The following CHAMP1 variants were observed in gnomAD, a reference collection of about 807,000 sequenced individuals.
CHAMP1 encodes the protein chromosome alignment maintaining phosphoprotein 1, also known as chromosome alignment-maintaining phosphoprotein 1.
A neutral mutation model predicts 54.5 loss-of-function variants in CHAMP1; 4 were observed. The observed-to-expected ratio is 0.07, with a 90% confidence interval of 0.04 to 0.17. CHAMP1 has a LOEUF of 0.17. Ranked by LOEUF, CHAMP1 falls within the 10% of genes least tolerant of loss-of-function variation. CHAMP1 has a pLI of 1.00. For missense variants in CHAMP1, 994 were observed against 968.6 expected (o/e 1.03, Z -0.35); for synonymous variants, 368 against 342.2 (o/e 1.08, Z -0.83).
chr13:114,326,471 G>A lies in CHAMP1; in HGVS notation c.*190G>A. ...TGGTCTCTGTCTATGTGACTATCTT[G>A]TAAGTCAATAAATTTCTGTATAGTC... is the stretch of plus-strand genomic sequence containing the variant. On this transcript the variant is annotated 3_prime_UTR_variant, in exon 3 of 3. Transcript: ENST00000361283. 3.5e-6 allele frequency: 2 copies of A among 569,456 alleles called. No homozygotes were observed. The highest frequency in any genetic ancestry group is 2.9e-6 in the Non-Finnish European group (1 of 339,880). The allele number at this position is 569,456 out of a possible 1,614,324, so 35.3% of individuals were successfully genotyped here.
At position 114,326,296 on chromosome 13, in the gene CHAMP1, T is replaced by C. The variant is rs2087250162; in HGVS notation, c.*15T>C. On this transcript the variant is annotated 3_prime_UTR_variant, in exon 3 of 3. Coordinates refer to ENST00000361283, the MANE Select transcript of CHAMP1 (RefSeq NM_032436.4). The stretch of plus-strand genomic sequence containing the variant: ...AGCAAATTTGATAACACAGTGTGAA[T>C]ATTTGTTCTACAAAGGTGTTTGTTG... The C allele has an allele frequency of 6.5e-7, 1 of 1,547,474 alleles. No homozygotes were observed. The highest frequency in any genetic ancestry group is 8.7e-7 in the Non-Finnish European group (1 of 1,151,444).
At position 114,326,447 on chromosome 13, in the gene CHAMP1, G is replaced by T; in HGVS notation, c.*166G>T. ...AATGAGCATTTGATCATTTTTTTCT[G>T]GTCTCTGTCTATGTGACTATCTTGT... On this transcript the variant is annotated 3_prime_UTR_variant, in exon 3 of 3. Transcript: ENST00000361283. 2 of 747,404 alleles carry T rather than the reference G, an allele frequency of 2.7e-6. No individual in the cohort carries two copies. Among genetic ancestry groups the T allele is most frequent in the South Asian group, 2.7e-5 (1 of 36,794 alleles). The allele number at this position is 747,404 out of a possible 1,614,324, so 46.3% of individuals were successfully genotyped here.
Position 114,321,141 on chromosome 13 carries a change from T to G in CHAMP1, c.-147T>G, listed in dbSNP as rs1293361190. On this transcript the variant is annotated 5_prime_UTR_variant, in exon 2 of 3. Coordinates refer to ENST00000361283, the MANE Select transcript of CHAMP1 (RefSeq NM_032436.4). The stretch of plus-strand genomic sequence containing the variant: ...CTTCTCATCTTTGTTCTTCTTCATA[T>G]ACTATAGGCTGTTTGCTGTGGTTTA... The G allele has an allele frequency of 1.3e-5, 2 of 149,744 alleles. No individual in the cohort carries two copies. Among genetic ancestry groups the G allele is most frequent in the African/African-American group, 4.9e-5 (2 of 40,510 alleles). 9.3% of individuals were successfully genotyped at this position (149,744 alleles called of 1,614,324 possible). A position where few individuals can be genotyped will look rare whatever the true frequency, so the allele number is the denominator to read the frequency against.
At chr13:114,323,751 C>A (rs373122314) in intron 2 of CHAMP1, 37 bp from the exon 3 acceptor site, 26 of 1,459,150 alleles carry the variant, frequency 1.8e-5, no homozygotes, top group Non-Finnish European at 2.3e-5. Context: ...TTCAGAATTA[C>A]AGTTCATGAA....
intron 1 of CHAMP1, among the ~76,000 whole-genome samples, chr13:114,318,074 C>T (rs2087120344): frequency 6.6e-6 from 1 of 152,170 alleles, no homozygotes; most frequent in South Asian, 2.1e-4. Flanking sequence ...AAGTTGAATT[C>T]TGGGACTAAA....
Position 114,324,654 on chromosome 13 carries a change from C to G in CHAMP1, c.812C>G (p.Ala271Gly). 3 of 1,614,084 alleles carry G rather than the reference C, an allele frequency of 1.9e-6. No individual in the cohort carries two copies. The highest frequency in any genetic ancestry group is 2.5e-6 in the Non-Finnish European group (3 of 1,179,998). Residue 271 changes from alanine to glycine, a missense_variant, in exon 3 of 3, where the codon GCC becomes GGC. Ala to Gly is a moderately conservative substitution (Grantham distance 60, BLOSUM62 0). Coordinates refer to ENST00000361283, the MANE Select transcript of CHAMP1 (RefSeq NM_032436.4). ...PAASPESRKS[A>G]RTTSPEPRKP... ...GCATCTCCAGAATCTCGGAAGTCAGCCCGGACTACCTCCCCTGAGCCAAGG... is the reference window on the plus strand; with the variant it reads ...GCATCTCCAGAATCTCGGAAGTCAGGCCGGACTACCTCCCCTGAGCCAAGG...
At position 114,324,068 on chromosome 13, in the gene CHAMP1, A is replaced by G. The variant is rs782107379; in HGVS notation, c.226A>G (p.Asn76Asp). ...KCFFTSKMYS[N>D]VYYHITSKHA... ...CTTCTTCACCAGCAAGATGTACTCT[A>G]ATGTATACTATCACATCACATCCAA... The change falls in exon 3 of 3, where the codon AAT becomes GAT. Residue 76 changes from asparagine (N) to aspartate (D), a missense_variant. Around this residue, in one of 3 missense-constraint regions of CHAMP1, gnomAD observed 84 missense variants for 120.7 expected, o/e 0.70. Transcript: ENST00000361283. The G allele has an allele frequency of 3.1e-6, 5 of 1,614,238 alleles. No homozygotes were observed. The highest frequency in any genetic ancestry group is 4.2e-6 in the Non-Finnish European group (5 of 1,180,040).
At chr13:114,323,722 ATGGAC>A (rs2087201094) in intron 2 of CHAMP1, 61 bp from the exon 3 acceptor site, 3 of 1,282,586 alleles carry the variant, frequency 2.3e-6, no homozygotes. Context: ...CAGTTATAGA[ATGGAC>A]TGACAGCATT....
rs782510090 is a variant in CHAMP1, at chr13:114,325,107, C to A, written c.1265C>A (p.Pro422His). ...CCAGTGTCTCCAGAGCTTCGCAAAC[C>A]CGGCCCACCACTATCCCCAGAGATC... ...VPPVSPELRK[P>H]GPPLSPEIRS... The change falls in exon 3 of 3, where the codon CCC becomes CAC. Residue 422 changes from proline (P) to histidine (H), a missense_variant. Transcript: ENST00000361283. 1.9e-6 allele frequency: 3 copies of A among 1,614,036 alleles called. No homozygotes were observed. In the East Asian group the frequency reaches 6.7e-5, roughly 36 times the overall value.
chr13:114,314,619 C>T lies in CHAMP1; in HGVS notation c.-203C>T, dbSNP rs911557126. 2.0e-5 allele frequency: 3 copies of T among 151,978 alleles called. No homozygotes were observed. Among genetic ancestry groups the T allele is most frequent in the Admixed American group, 2.0e-4 (3 of 15,252 alleles). The allele number at this position is 151,978 out of a possible 1,614,324, so 9.4% of individuals were successfully genotyped here. ...GGCCCTCCGCGCGGTCCATCGCCCA[C>T]TGGACGCCGCCCGCGGCCGGACCGG... On this transcript the variant is annotated 5_prime_UTR_variant, in exon 1 of 3. Transcript: ENST00000361283.
At chr13:114,316,169 T>C (rs2087096865) in intron 1 of CHAMP1, among the ~76,000 whole-genome samples, 1 of 151,912 alleles carries the variant, frequency 6.6e-6, no homozygotes, top group African/African-American at 2.4e-5. Context: ...ATTTTTGTTT[T>C]TGTTTTTTAA....
At chr13:114,323,684 C>T in intron 2 of CHAMP1, 104 bp from the exon 3 acceptor site, 3 of 897,504 alleles carry the variant, frequency 3.3e-6, no homozygotes, top group African/African-American at 1.7e-5. Flanking sequence ...TCAAATAAAG[C>T]ACGCACTGTT....
chr13:114,323,017 T>G (rs1555379242), intron 2 of CHAMP1: 1 of 152,202 alleles, frequency 6.6e-6, no homozygotes, highest in Non-Finnish European at 1.5e-5. Flanking sequence ...GATTTGCCCT[T>G]TGGTTGGTAT....
At position 114,324,608 on chromosome 13, in the gene CHAMP1, C is replaced by G; in HGVS notation, c.766C>G (p.Pro256Ala). 1 of 1,614,160 alleles carries G rather than the reference C, an allele frequency of 6.2e-7. No homozygotes were observed. The highest frequency in any genetic ancestry group is 8.5e-7 in the Non-Finnish European group (1 of 1,180,038). Reference protein sequence around the residue: ...ESPVLAASPEPWGPSPAASPE... With the variant: ...ESPVLAASPEAWGPSPAASPE... ...ACCAGTTCTAGCTGCTTCCCCAGAA[C>G]CTTGGGGACCATCCCCAGCTGCATC... The change falls in exon 3 of 3, where the codon CCT becomes GCT. Residue 256 changes from proline (P) to alanine (A), a missense_variant. Transcript: ENST00000361283.
In CHAMP1 at chr13:114,327,322, A is replaced by C. The variant is rs2087264363; in HGVS notation, c.*1041A>C. 1 of 153,622 alleles carries C rather than the reference A, an allele frequency of 6.5e-6. No homozygotes were observed. The highest frequency in any genetic ancestry group is 1.5e-5 in the Non-Finnish European group (1 of 68,038). The allele number at this position is 153,622 out of a possible 1,614,324, so 9.5% of individuals were successfully genotyped here. On this transcript the variant is annotated 3_prime_UTR_variant, in exon 3 of 3. Transcript: ENST00000361283. ...AATTAAAAAGAAAGGTTTTCATGTCAGCAACATCTTCATGTGTGTTTTCTT... is the reference window on the plus strand; with the variant it reads ...AATTAAAAAGAAAGGTTTTCATGTCCGCAACATCTTCATGTGTGTTTTCTT...
chr13:114,325,766 G>C lies in CHAMP1; in HGVS notation c.1924G>C (p.Asp642His), dbSNP rs1179809196. The change falls in exon 3 of 3, where the codon GAT (aspartate) becomes CAT (histidine). Residue 642 changes from aspartate to histidine, a missense_variant. Asp to His is a moderately conservative substitution (Grantham distance 81, BLOSUM62 -1). Coordinates refer to ENST00000361283, the MANE Select transcript of CHAMP1 (RefSeq NM_032436.4). ...SSSEYIKTDLDAMDIKGQESS... is the reference protein window; with the variant it reads ...SSSEYIKTDLHAMDIKGQESS... ...TAGTGAGTACATAAAAACAGATTTG[G>C]ATGCGATGGATATTAAGGGCCAGGA... The C allele has an allele frequency of 2.5e-6, 4 of 1,614,054 alleles. No individual in the cohort carries two copies. The highest frequency in any genetic ancestry group is 3.4e-6 in the Non-Finnish European group (4 of 1,180,050).
intron 1 of CHAMP1, 146 bp from the exon 2 acceptor site, chr13:114,320,964 A>AG (rs2087161392): frequency 6.6e-6 from 1 of 152,208 alleles, no homozygotes; most frequent in Non-Finnish European, 1.5e-5. Flanking sequence ...TCAAAAAAAA[A>AG]AAAAGTAAGC....
chr13:114,320,387 G>A (rs1234222992), intron 1 of CHAMP1, among the ~76,000 whole-genome samples: 1 of 152,092 alleles, frequency 6.6e-6, no homozygotes, highest in Non-Finnish European at 1.5e-5. Context: ...TGTGCCTCTT[G>A]GTCCTCTTTG....
rs369844864 is a variant in CHAMP1, at chr13:114,325,914, C to G, written c.2072C>G (p.Ala691Gly). 2 of 1,613,758 alleles carry G rather than the reference C, an allele frequency of 1.2e-6. No homozygotes were observed. Among genetic ancestry groups the G allele is most frequent in the East Asian group, 2.2e-5 (1 of 44,882 alleles). ...NVLQFTEEKE[A>G]FISEEEIAKY... ...CTACAGTTTACTGAAGAAAAAGAAG[C>G]TTTTATCTCTGAAGAGGAGATTGCA... is the stretch of plus-strand genomic sequence containing the variant. The change falls in exon 3 of 3, where the codon GCT becomes GGT. Residue 691 changes from alanine to glycine, a missense_variant. By Grantham distance (60) the Ala-to-Gly change is moderately conservative. Transcript: ENST00000361283.
Sources: allele counts gnomAD v4.1 joint callset (sites outside exome capture counted in the v4.1 genomes callset), GRCh38; gene constraint gnomAD v4.1.1; regional missense constraint gnomAD v4.1.1; transcripts MANE v1.5; gene names NCBI Gene and HGNC (gene_info 2026-07-23, HGNC 2026-07-21).